Variants in FAF1 observed in about 807,000 individuals in gnomAD.
The protein encoded by FAF1 is FAS-associated factor 1.
FAF1 carries 25 observed loss-of-function variants against 92.5 expected under a neutral mutation model. The ratio of observed to expected loss-of-function variants is 0.27; its 90% CI spans 0.20 to 0.38. FAF1 has a LOEUF of 0.38. Among genes scored for constraint, FAF1 ranks in the 10% least tolerant of loss-of-function variants. The probability of loss-of-function intolerance (pLI) is 1.00; values close to 1 mark genes in which losing one functional copy is unlikely to be tolerated. For synonymous variants in FAF1, 234 were observed against 273.2 expected, an observed-to-expected ratio of 0.86 and a Z score of 1.42; for missense variants, 636 against 793.3, an observed-to-expected ratio of 0.80 and a Z score of 2.38.
At chr1:50,730,777 C>A (rs1031661789) in intron 6 of FAF1, among the ~76,000 whole-genome samples, 1 of 152,180 alleles carries the variant, frequency 6.6e-6, no homozygotes, top group Non-Finnish European at 1.5e-5. Context: ...CTTGCAGCTT[C>A]CTTTATCAGG....
At chr1:50,730,593 T>G (rs908710919) in intron 6 of FAF1, among the ~76,000 whole-genome samples, 2 of 152,252 alleles carry the variant, frequency 1.3e-5, no homozygotes, top group African/African-American at 4.8e-5. Context: ...TTCTTTAATT[T>G]TATGTTGCTT....
At chr1:50,494,591 G>GT (rs1401512898) in intron 15 of FAF1, among the ~76,000 whole-genome samples, 1 of 152,216 alleles carries the variant, frequency 6.6e-6, no homozygotes, top group South Asian at 2.1e-4. Context: ...TTGCTCAGAA[G>GT]TAAGTAATAG....
intron 1 of FAF1, among the ~76,000 whole-genome samples, chr1:50,903,145 A>G (rs1158296700): frequency 6.6e-6 from 1 of 152,174 alleles, no homozygotes; most frequent in Non-Finnish European, 1.5e-5. Context: ...CACAACACAG[A>G]TACCTGTTCA....
intron 1 of FAF1, among the ~76,000 whole-genome samples, chr1:50,925,918 A>G (rs1234458622): frequency 6.6e-6 from 1 of 152,248 alleles, no homozygotes; most frequent in Non-Finnish European, 1.5e-5. Context: ...CCTCCATGAA[A>G]AAGAATGGAA....
intron 2 of FAF1, among the ~76,000 whole-genome samples, chr1:50,827,199 G>A (rs967896600): frequency 7.2e-5 from 11 of 152,108 alleles, no homozygotes; most frequent in Non-Finnish European, 1.5e-4. Flanking sequence ...AGGGGGAAAT[G>A]TGGGGAAAAG....
intron 1 of FAF1, among the ~76,000 whole-genome samples, chr1:50,949,980 T>G (rs72904790): frequency 6.6e-6 from 1 of 151,952 alleles, no homozygotes; most frequent in Non-Finnish European, 1.5e-5. Flanking sequence ...GCACATGCTA[T>G]CACACCCAGC....
At chr1:50,695,506 T>C (rs1006667100) in intron 7 of FAF1, among the ~76,000 whole-genome samples, 5 of 152,148 alleles carry the variant, frequency 3.3e-5, no homozygotes, top group Admixed American at 6.5e-5. Flanking sequence ...CCTCTGGAAA[T>C]GTGTCATTTA....
chr1:50,509,291 C>T (rs1429216700), intron 15 of FAF1, among the ~76,000 whole-genome samples: 1 of 152,050 alleles, frequency 6.6e-6, no homozygotes, highest in East Asian at 1.9e-4. Flanking sequence ...GAGGGCAATG[C>T]TTAAAAAAAT....
At chr1:50,928,782 C>CAAAAAAAAAAAAAAAAAAAAAA (rs1157426126) in intron 1 of FAF1, among the ~76,000 whole-genome samples, 5 of 39,724 alleles carry the variant, frequency 1.3e-4, no homozygotes, top group Non-Finnish European at 2.1e-4. Flanking sequence ...GACTCCACCT[C>CAAAAAAAAAAAAAAAAAAAAAA]AAAAAAAAAA....
intron 1 of FAF1, among the ~76,000 whole-genome samples, chr1:50,884,792 G>C (rs1436477801): frequency 6.6e-6 from 1 of 152,006 alleles, no homozygotes; most frequent in East Asian, 1.9e-4. Context: ...CTTGTAGAAT[G>C]AGTTTGTAAG....
intron 15 of FAF1, among the ~76,000 whole-genome samples, chr1:50,503,016 G>A (rs1647011483): frequency 6.6e-6 from 1 of 151,780 alleles, no homozygotes; most frequent in Non-Finnish European, 1.5e-5. Flanking sequence ...TATTAAAAAT[G>A]TTTTTAGAGA....
At chr1:50,672,321 G>A (rs1257507295) in intron 7 of FAF1, among the ~76,000 whole-genome samples, 4 of 152,096 alleles carry the variant, frequency 2.6e-5, no homozygotes, top group Non-Finnish European at 5.9e-5. Context: ...GATTACAGGC[G>A]TGAGCCACCG....
intron 13 of FAF1, among the ~76,000 whole-genome samples, chr1:50,559,982 A>G (rs947197548): frequency 6.6e-6 from 1 of 152,196 alleles, no homozygotes; most frequent in African/African-American, 2.4e-5. Flanking sequence ...TAGTACCCTG[A>G]CCACAACATG....
At chr1:50,728,904 A>C (rs1237011721) in intron 6 of FAF1, among the ~76,000 whole-genome samples, 3 of 150,686 alleles carry the variant, frequency 2.0e-5, no homozygotes, top group Non-Finnish European at 3.0e-5. Context: ...TTAGTGAGAC[A>C]ATCTGAACTT....
At chr1:50,759,539 T>C (rs1333139638) in intron 4 of FAF1, among the ~76,000 whole-genome samples, 1 of 152,058 alleles carries the variant, frequency 6.6e-6, no homozygotes, top group Non-Finnish European at 1.5e-5. Flanking sequence ...ATTTTCTTAA[T>C]CCAGTTTATC....
At chr1:50,871,656 A>T (rs1241737896) in intron 1 of FAF1, among the ~76,000 whole-genome samples, 3 of 152,170 alleles carry the variant, frequency 2.0e-5, no homozygotes, top group Non-Finnish European at 4.4e-5. Context: ...GCTTAGAAAA[A>T]CAGATTCCTT....
intron 18 of FAF1, among the ~76,000 whole-genome samples, chr1:50,471,340 G>C (rs12078177): frequency 0.012 from 1,811 of 152,278 alleles, 35 homozygotes; most frequent in African/African-American, 0.041. Flanking sequence ...ATGGGTGACA[G>C]AGGAAGGAAT....
At chr1:50,664,429 T>G (rs144800872) in intron 7 of FAF1, among the ~76,000 whole-genome samples, 14 of 151,862 alleles carry the variant, frequency 9.2e-5, no homozygotes, top group Admixed American at 2.0e-4. Flanking sequence ...GGAAGATATC[T>G]ATATATGTCA....
chr1:50,923,674 A>C (rs1644983030), intron 1 of FAF1, among the ~76,000 whole-genome samples: 2 of 152,172 alleles, frequency 1.3e-5, no homozygotes, highest in African/African-American at 4.8e-5. Flanking sequence ...ATTCGATAGA[A>C]TCCTCAACAA....
Sources: gnomAD v4.1 joint callset for allele counts (sites outside exome capture counted in the v4.1 genomes callset) on GRCh38, gnomAD v4.1.1 for gene constraint, MANE v1.5 for transcripts, NCBI Gene and HGNC (gene_info 2026-07-23, HGNC 2026-07-21) for gene names.